Variants in GIT2 observed in about 807,000 individuals in gnomAD.
GIT2 encodes GIT ArfGAP 2.
GIT2 carries 32 observed loss-of-function variants against 100.3 expected under a neutral mutation model. The ratio of observed to expected loss-of-function variants is 0.32; its 90% CI spans 0.24 to 0.43. GIT2 has a LOEUF of 0.43. Among genes scored for constraint, GIT2 ranks in the 20% least tolerant of loss-of-function variants. The pLI is 1.00. For synonymous variants in GIT2, 353 were observed against 364.1 expected (o/e 0.97, Z 0.35); for missense variants, 737 against 975.1 (o/e 0.76, Z 3.25).
intron 16 of GIT2, chr12:109,942,800 A>G (rs1875177269): frequency 6.6e-6 from 1 of 152,236 alleles, no homozygotes; most frequent in Admixed American, 6.5e-5. Flanking sequence ...AAGTATGGAA[A>G]ACAACATATA....
At position 109,933,007 on chromosome 12, in the gene GIT2, T is replaced by TA; in HGVS notation, c.2250dup (p.Thr751TyrfsTer44). 1 of 1,612,186 alleles carries TA rather than the reference T, an allele frequency of 6.2e-7. No individual in the cohort carries two copies. Among genetic ancestry groups the TA allele is most frequent in the Non-Finnish European group, 8.5e-7 (1 of 1,178,376 alleles). On this transcript the variant is annotated frameshift_variant, in exon 20 of 20. Coordinates refer to ENST00000355312, the MANE Select transcript of GIT2 (RefSeq NM_057169.5). LOFTEE classifies it high-confidence loss of function. This position sits in a 1 kb window ranked among gnomAD's most constrained non-coding sequence, Gnocchi z 4.5. Reference sequence around the variant, plus strand: ...TTGTTGTTCTCTTTGGTGGTGATGGTAACCAGCTGCTTGGCAGCCTTGGCG... The same window carrying TA: ...TTGTTGTTCTCTTTGGTGGTGATGGTAAACCAGCTGCTTGGCAGCCTTGGCG...
At chr12:109,960,180 G>C (rs1008646596) in intron 11 of GIT2, among the ~76,000 whole-genome samples, 1 of 152,084 alleles carries the variant, frequency 6.6e-6, no homozygotes, top group Non-Finnish European at 1.5e-5. Context: ...CAAATGTTAT[G>C]GCATTTCTCA....
chr12:109,999,865 C>A, upstream of GIT2: 1 of 1,286,034 alleles, frequency 7.8e-7, no homozygotes, highest in Non-Finnish European at 1.0e-6. The surrounding 1 kb of genome is among the most constrained non-coding windows in gnomAD (Gnocchi z 4.3). Flanking sequence ...AGCCCATTTC[C>A]AGCCCTCTGT....
intron 9 of GIT2, among the ~76,000 whole-genome samples, chr12:109,963,063 T>C (rs374749721): frequency 6.6e-6 from 1 of 152,202 alleles, no homozygotes. Context: ...CATGTTAAAA[T>C]GGGTACCATA....
At chr12:109,997,515 CT>C (rs1889617530), upstream of GIT2, 1 of 152,076 alleles carries the variant, frequency 6.6e-6, no homozygotes, top group Non-Finnish European at 1.5e-5. Context: ...TTTTGTATGG[CT>C]TGCTACTTAA....
At chr12:109,979,803 T>A (rs1885946852) in intron 7 of GIT2, among the ~76,000 whole-genome samples, 1 of 152,158 alleles carries the variant, frequency 6.6e-6, no homozygotes, top group Admixed American at 6.6e-5. Flanking sequence ...GCTTACTCCA[T>A]CTCACCCAGA....
chr12:109,937,351 C>G (rs973569656), intron 18 of GIT2, among the ~76,000 whole-genome samples: 5 of 152,158 alleles, frequency 3.3e-5, no homozygotes, highest in Non-Finnish European at 7.3e-5. Context: ...CACAGCATCC[C>G]TTGAATACTT....
intron 18 of GIT2, among the ~76,000 whole-genome samples, chr12:109,937,099 TTC>T (rs1161508726): frequency 6.6e-6 from 1 of 152,198 alleles, no homozygotes; most frequent in Admixed American, 6.5e-5. Flanking sequence ...TTATGCATGT[TTC>T]TCTTTTTCTC....
At chr12:109,983,829 G>A (rs12314720) in intron 4 of GIT2, 135 bp from the exon 5 acceptor site, 48,647 of 618,740 alleles carry the variant, frequency 0.079, 2,249 homozygotes, top group Middle Eastern at 0.13. Flanking sequence ...AAAGTGCATG[G>A]ACCAGTCTCT....
chr12:109,955,163 G>A (rs1593012433), intron 12 of GIT2, among the ~76,000 whole-genome samples: 1 of 152,004 alleles, frequency 6.6e-6, no homozygotes, highest in East Asian at 1.9e-4. Flanking sequence ...TCACTCTGTT[G>A]CCCAGGCTGG....
At chr12:109,964,477 A>C (rs1014502749) in intron 9 of GIT2, among the ~76,000 whole-genome samples, 6 of 152,122 alleles carry the variant, frequency 3.9e-5, no homozygotes, top group Non-Finnish European at 7.4e-5. Flanking sequence ...GGCTTTGGGA[A>C]AGCCGCTACC....
chr12:109,985,794 A>G (rs1378256135), intron 4 of GIT2, among the ~76,000 whole-genome samples: 1 of 151,888 alleles, frequency 6.6e-6, no homozygotes. Flanking sequence ...TGGAAGTTGC[A>G]GTGAGCCGAG....
At chr12:109,996,123 G>A in intron 1 of GIT2, 50 bp downstream of exon 1, 2 of 1,243,348 alleles carry the variant, frequency 1.6e-6, no homozygotes, top group East Asian at 3.0e-5. Context: ...CCGGGGTAGG[G>A]GTCCGGGCCA....
intron 1 of GIT2, chr12:109,992,137 ATAC>A (rs1248784279): frequency 1.3e-5 from 2 of 151,014 alleles, no homozygotes; most frequent in East Asian, 3.8e-4. Flanking sequence ...AATCAAGATA[ATAC>A]TTTTTTTTTT....
chr12:109,995,713 T>C (rs1401889321), intron 1 of GIT2, among the ~76,000 whole-genome samples: 1 of 152,160 alleles, frequency 6.6e-6, no homozygotes, highest in Non-Finnish European at 1.5e-5. Flanking sequence ...GGGGAAGTCA[T>C]CTACGGGGAC....
chr12:109,946,818 AAGACGTCTTGGATTCTAAGG>A (rs1236593851), intron 15 of GIT2, among the ~76,000 whole-genome samples: 1 of 152,162 alleles, frequency 6.6e-6, no homozygotes, highest in Non-Finnish European at 1.5e-5. Context: ...AGGAGCTGAA[AAGACGTCTTGGATTCTAAGG>A]GCTCCAGTAC....
chr12:109,965,523 C>A lies in GIT2; in HGVS notation c.816+3G>T. The A allele has an allele frequency of 6.4e-7, 1 of 1,566,988 alleles. No individual in the cohort carries two copies. The highest frequency in any genetic ancestry group is 1.1e-5 in the South Asian group (1 of 89,224). The stretch of plus-strand genomic sequence containing the variant: ...GAGAAAACCAGTACAGAGAAATACT[C>A]ACAGATTGAAGTTTCTTCTTAGCAG... On this transcript the variant is annotated splice_donor_region_variant and intron_variant, in intron 9 of 19. Coordinates refer to ENST00000355312, the MANE Select transcript of GIT2 (RefSeq NM_057169.5).
intron 16 of GIT2, among the ~76,000 whole-genome samples, 171 bp downstream of exon 16, chr12:109,945,089 G>A (rs1383278939): frequency 1.3e-5 from 2 of 152,148 alleles, no homozygotes; most frequent in Non-Finnish European, 2.9e-5. Flanking sequence ...ATGGGTGAGC[G>A]TGCATGTGGA....
At chr12:109,975,446 C>T (rs771929084) in intron 7 of GIT2, among the ~76,000 whole-genome samples, 1 of 151,994 alleles carries the variant, frequency 6.6e-6, no homozygotes, top group African/African-American at 2.4e-5. Flanking sequence ...TATGCTTAAG[C>T]GATTAGGAGA....
Sources: allele counts gnomAD v4.1 joint callset (sites outside exome capture counted in the v4.1 genomes callset), GRCh38; gene constraint gnomAD v4.1.1; non-coding constraint Gnocchi (gnomAD v3.1); transcripts MANE v1.5; gene names NCBI Gene and HGNC (gene_info 2026-07-23, HGNC 2026-07-21).